PPP3CA: variants seen among roughly 807,000 people sequenced by gnomAD.
The protein encoded by PPP3CA is protein phosphatase 3 catalytic subunit alpha.
A neutral mutation model predicts 66.5 loss-of-function variants in PPP3CA; 14 were observed. The observed-to-expected ratio is 0.21, with a 90% CI of 0.14 to 0.33. PPP3CA has a LOEUF of 0.33. Ranked by LOEUF, PPP3CA falls within the 10% of genes least tolerant of loss-of-function variation. The pLI is 1.00. For missense variants in PPP3CA, 317 were observed against 639.5 expected (o/e 0.50, Z 5.44); for synonymous variants, 232 against 226.2 (o/e 1.03, Z -0.23).
intron 10 of PPP3CA, among the ~76,000 whole-genome samples, chr4:101,045,934 T>C (rs1485446227): frequency 6.6e-6 from 1 of 152,254 alleles, no homozygotes; most frequent in Non-Finnish European, 1.5e-5. Context: ...AACTTTCCTG[T>C]ATGTTTAAAA....
chr4:101,330,493 G>A (rs1729349653), intron 1 of PPP3CA: 1 of 511,688 alleles, frequency 2.0e-6, no homozygotes, highest in Non-Finnish European at 4.0e-6. Context: ...CAACGGTTAT[G>A]TATTTTTTAA....
chr4:101,346,183 C>CAGGGGGAGGGGG (rs1254116194), intron 1 of PPP3CA, among the ~76,000 whole-genome samples: 7 of 151,832 alleles, frequency 4.6e-5, no homozygotes, highest in Non-Finnish European at 7.4e-5. Flanking sequence ...CAGGCCCTTC[C>CAGGGGGAGGGGG]AGGGGGAGGG....
In PPP3CA at chr4:101,048,509, C is replaced by CAAAAAAAAAAAAAAA. The variant is rs59988569; in HGVS notation, c.1157-7958_1157-7944dup. Among the ~76,000 whole-genome samples the CAAAAAAAAAAAAAAA allele has an allele frequency of 3.0e-5, 2 of 66,350 alleles. 1 individual carries two copies. The highest frequency in any genetic ancestry group is 6.0e-5 in the Non-Finnish European group (2 of 33,596). The allele number at this position is 66,350 out of a possible 152,430, so 43.5% of individuals were successfully genotyped here. On this transcript the variant is annotated intron_variant, in intron 10 of 13. Coordinates refer to ENST00000394854, the MANE Select transcript of PPP3CA (RefSeq NM_000944.5). Reference sequence around the variant, plus strand: ...CCAGAGATTGTTTGCTTTCTCTCACCAAAAAAAAAAAAAAAAAAAAAAAAA... The same window carrying CAAAAAAAAAAAAAAA: ...CCAGAGATTGTTTGCTTTCTCTCACCAAAAAAAAAAAAAAAAAAAAAAAAAAAAAAAAAAAAAAAA...
At chr4:101,069,799 T>C (rs1728834823) in intron 8 of PPP3CA, among the ~76,000 whole-genome samples, 1 of 152,212 alleles carries the variant, frequency 6.6e-6, no homozygotes, top group African/African-American at 2.4e-5. Context: ...GTAAATATAT[T>C]TTCTCTTGCT....
chr4:101,086,233 A>T (rs1478049723), intron 6 of PPP3CA, among the ~76,000 whole-genome samples: 2 of 152,196 alleles, frequency 1.3e-5, no homozygotes, highest in African/African-American at 4.8e-5. Context: ...ATCTTTTGTT[A>T]TATATTAAAG....
intron 1 of PPP3CA, among the ~76,000 whole-genome samples, chr4:101,312,340 T>C (rs1023031257): frequency 3.3e-5 from 5 of 152,094 alleles, no homozygotes; most frequent in East Asian, 1.9e-4. Flanking sequence ...GACTCTTAAG[T>C]TGAAAACTGT....
chr4:101,258,891 T>G (rs1726924872), intron 1 of PPP3CA, among the ~76,000 whole-genome samples: 1 of 152,064 alleles, frequency 6.6e-6, no homozygotes, highest in African/African-American at 2.4e-5. Flanking sequence ...AATCAGGATT[T>G]CCACCCAGGT....
At chr4:101,203,292 C>G (rs4450930) in intron 1 of PPP3CA, among the ~76,000 whole-genome samples, 1 of 152,212 alleles carries the variant, frequency 6.6e-6, no homozygotes, top group African/African-American at 2.4e-5. Flanking sequence ...GTCAAGAGAT[C>G]GAGACCATCC....
chr4:101,317,689 T>C (rs1578660187), intron 1 of PPP3CA, among the ~76,000 whole-genome samples: 1 of 152,362 alleles, frequency 6.6e-6, no homozygotes, highest in East Asian at 1.9e-4. Flanking sequence ...GAACACTATT[T>C]AATAAACTGG....
chr4:101,110,301 A>C (rs1385107189), intron 2 of PPP3CA, among the ~76,000 whole-genome samples: 1 of 152,198 alleles, frequency 6.6e-6, no homozygotes, highest in Non-Finnish European at 1.5e-5. Context: ...TTATTTCCTT[A>C]CTTGACAAAA....
intron 1 of PPP3CA, among the ~76,000 whole-genome samples, chr4:101,297,959 A>G (rs552267193): frequency 9.4e-4 from 143 of 152,206 alleles, no homozygotes; most frequent in Non-Finnish European, 1.7e-3. Context: ...ATTGATGCAA[A>G]GAAATAGGAC....
chr4:101,339,923 T>C (rs1729759060), intron 1 of PPP3CA, among the ~76,000 whole-genome samples: 1 of 152,168 alleles, frequency 6.6e-6, no homozygotes, highest in African/African-American at 2.4e-5. Flanking sequence ...TAAAAACTAC[T>C]ACTAATTCTT....
chr4:101,312,333 T>C (rs982179631), intron 1 of PPP3CA, among the ~76,000 whole-genome samples: 30 of 152,190 alleles, frequency 2.0e-4, no homozygotes, highest in Admixed American at 1.3e-4. Context: ...GTCAAAAGAC[T>C]CTTAAGTTGA....
chr4:101,106,453 G>GAAAGAAAGAAAGAAAGAAAGAA (rs775018059), intron 3 of PPP3CA, among the ~76,000 whole-genome samples: 3 of 35,512 alleles, frequency 8.4e-5, no homozygotes, highest in Non-Finnish European at 1.6e-4. Context: ...AAGAAAGAAA[G>GAAAGAAAGAAAGAAAGAAAGAA]AGAAAAGAAA....
intron 1 of PPP3CA, among the ~76,000 whole-genome samples, chr4:101,335,847 T>C (rs1729612784): frequency 6.6e-6 from 1 of 152,160 alleles, no homozygotes; most frequent in Non-Finnish European, 1.5e-5. Flanking sequence ...TGTTCACTTC[T>C]CCATTTTCAA....
At chr4:101,127,433 C>T (rs1298328950) in intron 2 of PPP3CA, among the ~76,000 whole-genome samples, 1 of 151,886 alleles carries the variant, frequency 6.6e-6, no homozygotes, top group Non-Finnish European at 1.5e-5. Flanking sequence ...ATTAAAGAAA[C>T]ACTTGAACAC....
intron 2 of PPP3CA, among the ~76,000 whole-genome samples, chr4:101,114,259 T>C (rs539610096): frequency 3.9e-5 from 6 of 152,228 alleles, no homozygotes; most frequent in African/African-American, 1.4e-4. Context: ...GTCAGAAATT[T>C]AGAGAGTTAT....
chr4:101,086,741 T>TCA (rs1316411089), intron 6 of PPP3CA, among the ~76,000 whole-genome samples: 1 of 152,302 alleles, frequency 6.6e-6, no homozygotes, highest in Admixed American at 6.5e-5. Context: ...ATATCACTTA[T>TCA]CATGTTGTAG....
chr4:101,156,005 G>A (rs1344785341), intron 2 of PPP3CA, among the ~76,000 whole-genome samples: 1 of 152,166 alleles, frequency 6.6e-6, no homozygotes, highest in Non-Finnish European at 1.5e-5. Flanking sequence ...CATGCATTTA[G>A]AGATACGGAA....
Sources: gnomAD v4.1 joint callset for allele counts (sites outside exome capture counted in the v4.1 genomes callset) on GRCh38, gnomAD v4.1.1 for gene constraint, MANE v1.5 for transcripts, NCBI Gene and HGNC (gene_info 2026-07-23, HGNC 2026-07-21) for gene names.